GRID2: variants seen among roughly 807,000 people sequenced by gnomAD.
GRID2 encodes glutamate receptor ionotropic, delta-2.
Under a neutral mutation model 114.8 loss-of-function variants are expected in GRID2, and 33 were observed. The observed-to-expected ratio is 0.29, with a 90% CI of 0.22 to 0.38. GRID2 has a LOEUF of 0.38. Ranked by LOEUF, GRID2 falls within the 10% of genes least tolerant of loss-of-function variation. The pLI, the probability that GRID2 is intolerant of heterozygous loss-of-function variation, is 1.00. For synonymous variants in GRID2, 505 were observed against 449.9 expected (o/e 1.12, Z -1.55); for missense variants, 1,184 against 1,257.7 (o/e 0.94, Z 0.89).
chr4:93,125,315 A>G (rs1259471508), intron 4 of GRID2, among the ~76,000 whole-genome samples: 1 of 152,054 alleles, frequency 6.6e-6, no homozygotes. Context: ...ATATGAAAAC[A>G]TACATTTATA....
intron 1 of GRID2, among the ~76,000 whole-genome samples, chr4:92,391,513 T>G (rs2110261026): frequency 6.6e-6 from 1 of 152,164 alleles, no homozygotes; most frequent in African/African-American, 2.4e-5. Context: ...ATCATGAAAA[T>G]GATAAATATT....
rs534329746 is a variant in GRID2 at position 93,702,821 on chromosome 4, A to C, written c.2361-66389A>C. Among the ~76,000 whole-genome samples, 24 of 152,310 alleles carry C rather than the reference A, an allele frequency of 1.6e-4. No individual in the cohort carries two copies. In the South Asian group the frequency reaches 4.8e-3, roughly 30 times the overall value. On this transcript the variant is annotated intron_variant, in intron 14 of 15. Coordinates refer to ENST00000282020, the MANE Select transcript of GRID2 (RefSeq NM_001510.4). ...CAAGTTTATAAAACTCTCTGTCTAA[A>C]TGCAGTTTGCATTCTAATGTGGGGA...
Position 93,484,610 on chromosome 4 carries a change from A to G in GRID2, c.1859-6029A>G, listed in dbSNP as rs575720057. Among the ~76,000 whole-genome samples the G allele has an allele frequency of 1.4e-4, 21 of 152,066 alleles. No homozygotes were observed. The South Asian group carries it at 4.3e-3, about 31-fold the overall frequency. On this transcript the variant is annotated intron_variant, in intron 11 of 15. Transcript: ENST00000282020. Reference sequence around the variant, plus strand: ...ATTTATGGACAGAAAGAAGAAAGTGACATACAGAAAATGGAAGTGAAGTAC... The same window carrying G: ...ATTTATGGACAGAAAGAAGAAAGTGGCATACAGAAAATGGAAGTGAAGTAC...
chr4:93,208,157 G>C (rs1439367422), intron 5 of GRID2, among the ~76,000 whole-genome samples: 2 of 151,746 alleles, frequency 1.3e-5, no homozygotes, highest in Non-Finnish European at 2.9e-5. Flanking sequence ...TATTATTTAT[G>C]AATAAAAATA....
At chr4:93,796,226 A>T (rs1470214577) in intron 1 of GRID2, among the ~76,000 whole-genome samples, 1 of 152,166 alleles carries the variant, frequency 6.6e-6, no homozygotes, top group Admixed American at 6.5e-5. Flanking sequence ...GCTTCTGATT[A>T]ACTCAAAGTT....
chr4:92,831,501 T>A, intron 2 of GRID2, among the ~76,000 whole-genome samples: 1 of 152,074 alleles, frequency 6.6e-6, no homozygotes, highest in East Asian at 1.9e-4. Context: ...TCGTTTTTTT[T>A]TTTTTTCAAA....
At chr4:92,546,783 A>C (rs1726284987) in intron 1 of GRID2, among the ~76,000 whole-genome samples, 1 of 152,194 alleles carries the variant, frequency 6.6e-6, no homozygotes, top group African/African-American at 2.4e-5. Context: ...TACTGCCTAC[A>C]AAGGAAAAAA....
intron 2 of GRID2, among the ~76,000 whole-genome samples, chr4:92,666,355 A>G (rs989839824): frequency 2.0e-5 from 3 of 151,474 alleles, no homozygotes; most frequent in South Asian, 2.1e-4. Flanking sequence ...CATCTTGAAG[A>G]CAGTTGTTTT....
At chr4:93,471,715 T>TTTTTTTTTTTTTTTTTTTTTTTTTTTTG (rs1724834423) in intron 11 of GRID2, among the ~76,000 whole-genome samples, 2 of 128,286 alleles carry the variant, frequency 1.6e-5, no homozygotes, top group Non-Finnish European at 3.3e-5. Flanking sequence ...TTTTTTTTTT[T>TTTTTTTTTTTTTTTTTTTTTTTTTTTTG]GGAGACGGAG....
chr4:93,104,504 G>A (rs1163147045), intron 3 of GRID2, among the ~76,000 whole-genome samples: 1 of 148,778 alleles, frequency 6.7e-6, no homozygotes. Flanking sequence ...TTCCCTTCCT[G>A]TGTCCATGTG....
chr4:93,330,669 A>G (rs944835889), intron 8 of GRID2, among the ~76,000 whole-genome samples: 4 of 152,096 alleles, frequency 2.6e-5, no homozygotes, highest in African/African-American at 9.7e-5. Context: ...TGTGAATGGG[A>G]TGCACTTTGT....
At chr4:92,355,154 T>G (rs1728258557) in intron 1 of GRID2, among the ~76,000 whole-genome samples, 1 of 151,920 alleles carries the variant, frequency 6.6e-6, no homozygotes, top group Non-Finnish European at 1.5e-5. Context: ...ATCTGTATTT[T>G]CTCTCTAGAA....
chr4:92,791,288 A>G (rs1262687004), intron 2 of GRID2, among the ~76,000 whole-genome samples: 1 of 151,796 alleles, frequency 6.6e-6, no homozygotes, highest in Non-Finnish European at 1.5e-5. Context: ...GTATCACATT[A>G]ACAAACAACT....
rs142021390 is a variant in GRID2 at position 92,573,695 on chromosome 4, A to G, written c.89-16436A>G. On this transcript the variant is annotated intron_variant, in intron 1 of 15. Transcript: ENST00000282020. ...TGAGGGACTGTTTGTTATTATTTCA[A>G]TTATCTTGCATTTGCTGAGGTGTGT... Among the ~76,000 whole-genome samples the G allele has an allele frequency of 5.9e-4, 90 of 151,894 alleles. No homozygotes were observed. The East Asian group carries it at 0.017, about 28-fold the overall frequency.
At chr4:92,469,792 T>C (rs1175330905) in intron 1 of GRID2, among the ~76,000 whole-genome samples, 1 of 151,628 alleles carries the variant, frequency 6.6e-6, no homozygotes, top group Non-Finnish European at 1.5e-5. Flanking sequence ...GATTAAGAGT[T>C]GATGAGAGAT....
chr4:93,021,897 C>T (rs1330633412), intron 2 of GRID2, among the ~76,000 whole-genome samples: 2 of 147,138 alleles, frequency 1.4e-5, no homozygotes, highest in African/African-American at 2.5e-5. Flanking sequence ...TTTTAAAAAC[C>T]AAAGCTTTTA....
At chr4:93,602,934 G>C (rs2149644070) in intron 13 of GRID2, among the ~76,000 whole-genome samples, 1 of 152,360 alleles carries the variant, frequency 6.6e-6, no homozygotes, top group Middle Eastern at 3.4e-3. Flanking sequence ...AACAGGTGGG[G>C]TGCAGTGGCT....
chr4:93,758,750 A>G (rs1052462093), intron 14 of GRID2, among the ~76,000 whole-genome samples: 2 of 152,204 alleles, frequency 1.3e-5, no homozygotes, highest in Admixed American at 1.3e-4. Context: ...ACAAAGCAAA[A>G]TAAGTTTGAC....
At chr4:93,638,160 T>C (rs1560850580) in intron 14 of GRID2, among the ~76,000 whole-genome samples, 1 of 152,122 alleles carries the variant, frequency 6.6e-6, no homozygotes, top group Non-Finnish European at 1.5e-5. Flanking sequence ...TCATTTACTT[T>C]TTTCATAATA....
Sources: allele counts gnomAD v4.1 joint callset (sites outside exome capture counted in the v4.1 genomes callset), GRCh38; gene constraint gnomAD v4.1.1; transcripts MANE v1.5; gene names NCBI Gene and HGNC (gene_info 2026-07-23, HGNC 2026-07-21).